POFUT1: variants seen among roughly 807,000 people sequenced by gnomAD.
POFUT1 encodes the protein protein O-fucosyltransferase 1, also known as GDP-fucose protein O-fucosyltransferase 1.
POFUT1 carries 16 observed loss-of-function variants against 42.4 expected under a neutral mutation model. The ratio of observed to expected loss-of-function variants is 0.38; its 90% CI spans 0.26 to 0.57. The LOEUF (loss-of-function observed/expected upper bound fraction) is 0.57. POFUT1 is among the 20% of genes least tolerant of loss of function. The pLI is 0.71. For missense variants in POFUT1, 470 were observed against 504.6 expected, an observed-to-expected ratio of 0.93 and a Z score of 0.66; for synonymous variants, 206 against 205.4, an observed-to-expected ratio of 1.00 and a Z score of -0.03.
chr20:32,234,227 G>A (rs1190037325), intron 6 of POFUT1, among the ~76,000 whole-genome samples: 2 of 152,244 alleles, frequency 1.3e-5, no homozygotes, highest in Non-Finnish European at 2.9e-5. Context: ...AGAGGGAACA[G>A]CACAAGTGAA....
At chr20:32,228,140 G>A (rs1000280910) in intron 4 of POFUT1, 123 bp from the exon 5 acceptor site, 30 of 647,596 alleles carry the variant, frequency 4.6e-5, no homozygotes, top group Middle Eastern at 3.1e-4. Flanking sequence ...TGTTTCTTGC[G>A]TGTTGCAGGG....
intron 4 of POFUT1, among the ~76,000 whole-genome samples, chr20:32,220,231 T>G (rs1404962685): frequency 6.6e-6 from 1 of 152,254 alleles, no homozygotes; most frequent in Non-Finnish European, 1.5e-5. Context: ...ACACTTGAGT[T>G]AGCTGGGCAG....
intron 5 of POFUT1, among the ~76,000 whole-genome samples, chr20:32,228,712 C>G (rs2047427561): frequency 2.6e-5 from 4 of 152,186 alleles, no homozygotes; most frequent in Admixed American, 2.6e-4. Context: ...TCAAGCCAGA[C>G]CCCAGGTCAG....
chr20:32,213,966 A>G (rs2047344852), intron 2 of POFUT1, among the ~76,000 whole-genome samples: 1 of 152,084 alleles, frequency 6.6e-6, no homozygotes, highest in Admixed American at 6.6e-5. Flanking sequence ...TCCCTTAACA[A>G]CTGTTGTGGA....
Position 32,208,064 on chromosome 20 carries a change from G to C in POFUT1, c.123G>C (p.Met41Ile). ...PAGYLLYCPC[M>I]GRFGNQADHF... The stretch of plus-strand genomic sequence containing the variant: ...GTTACCTGCTCTACTGCCCCTGCAT[G>C]GGTAAGGCCTCCCAAGCCCTCTGCT... Residue 41 changes from methionine to isoleucine, a missense_variant and splice_region_variant, in exon 1 of 7, where the codon ATG (methionine) becomes ATC (isoleucine). Coordinates refer to ENST00000375749, the MANE Select transcript of POFUT1 (RefSeq NM_015352.2). 1 of 1,552,882 alleles carries C rather than the reference G, an allele frequency of 6.4e-7. No individual in the cohort carries two copies. Among genetic ancestry groups the C allele is most frequent in the Non-Finnish European group, 8.7e-7 (1 of 1,153,258 alleles).
chr20:32,220,245 T>G (rs767372026), intron 4 of POFUT1, among the ~76,000 whole-genome samples: 5 of 152,242 alleles, frequency 3.3e-5, no homozygotes, highest in Non-Finnish European at 7.3e-5. Flanking sequence ...TGGGCAGTTA[T>G]TGCTTGTGGT....
chr20:32,217,100 AC>A, intron 4 of POFUT1: 1 of 1,605,482 alleles, frequency 6.2e-7, no homozygotes, highest in Non-Finnish European at 8.5e-7. Context: ...CCGAGAAATG[AC>A]GTCATCCTGA....
chr20:32,210,290 C>G, intron 2 of POFUT1, 98 bp downstream of exon 2: 6 of 1,248,874 alleles, frequency 4.8e-6, no homozygotes, highest in Non-Finnish European at 7.0e-6. Flanking sequence ...CCTCCCACTC[C>G]TCTGAGATTT....
intron 1 of POFUT1, among the ~76,000 whole-genome samples, chr20:32,208,444 G>C (rs1229446171): frequency 1.3e-5 from 2 of 152,108 alleles, no homozygotes; most frequent in African/African-American, 2.4e-5. Flanking sequence ...CCTGTTCTCT[G>C]TACTGGGAAT....
intron 1 of POFUT1, among the ~76,000 whole-genome samples, chr20:32,208,648 C>CAAAA (rs67714814): frequency 8.5e-5 from 8 of 93,610 alleles, no homozygotes; most frequent in African/African-American, 2.2e-4. Context: ...AATCCAATCT[C>CAAAA]AAAAAAAAAA....
At chr20:32,211,428 C>T (rs954333968) in intron 2 of POFUT1, among the ~76,000 whole-genome samples, 6 of 152,142 alleles carry the variant, frequency 3.9e-5, no homozygotes, top group African/African-American at 9.7e-5. Context: ...CGCACCACCA[C>T]GCCCAGCTAA....
chr20:32,222,944 G>C (rs1422181028), intron 4 of POFUT1: 36 of 983,488 alleles, frequency 3.7e-5, no homozygotes, highest in Non-Finnish European at 4.0e-5. Flanking sequence ...GCCATGCAGA[G>C]AGCTGGAGGG....
intron 4 of POFUT1, among the ~76,000 whole-genome samples, chr20:32,221,705 G>A (rs1383561756): frequency 1.4e-5 from 2 of 148,124 alleles, no homozygotes; most frequent in Non-Finnish European, 2.9e-5. Flanking sequence ...AACAGATTGA[G>A]ACCATCTTAA....
chr20:32,222,807 T>C (rs1600390417), intron 4 of POFUT1: 1 of 985,322 alleles, frequency 1.0e-6, no homozygotes, highest in Admixed American at 6.2e-5. Context: ...TGGAAGGCAA[T>C]GCACCATCGT....
intron 1 of POFUT1, among the ~76,000 whole-genome samples, chr20:32,208,888 C>T (rs778041386): frequency 2.6e-5 from 4 of 152,112 alleles, no homozygotes; most frequent in Non-Finnish European, 4.4e-5. Flanking sequence ...TACATAGTTT[C>T]ATAGAGGATG....
At chr20:32,218,842 GGGGAGT>G (rs1462634017) in intron 4 of POFUT1, among the ~76,000 whole-genome samples, 1 of 152,236 alleles carries the variant, frequency 6.6e-6, no homozygotes, top group Non-Finnish European at 1.5e-5. Context: ...AATGGTGCAT[GGGGAGT>G]GTTGTTGAAA....
rs2047472505 is a variant in POFUT1 at position 32,236,663 on chromosome 20, T to C, written c.*2002T>C. The C allele has an allele frequency of 6.6e-6, 1 of 152,220 alleles. No homozygotes were observed. The highest frequency in any genetic ancestry group is 2.4e-5 in the African/African-American group (1 of 41,454). The allele number at this position is 152,220 out of a possible 1,614,324, so 9.4% of individuals were successfully genotyped here. A position where few individuals can be genotyped will look rare whatever the true frequency, so the allele number is the denominator to read the frequency against. On this transcript the variant is annotated 3_prime_UTR_variant, in exon 7 of 7. Transcript: ENST00000375749. ...CCGACAGGTTGTTCAAAGGCCCAGA[T>C]CAGCTAAAGCATGTATATAAGAGCA...
intron 4 of POFUT1, among the ~76,000 whole-genome samples, chr20:32,221,612 GCTGAGGTGGGAGGATCAGGTGAGC>G (rs1175317962): frequency 6.6e-6 from 1 of 151,996 alleles, no homozygotes. Context: ...TACTTGGGAG[GCTGAGGTGGGAGGATCAGGTGAGC>G]CTGAGGAAGT....
At chr20:32,211,950 G>A (rs2122564769) in intron 2 of POFUT1, among the ~76,000 whole-genome samples, 1 of 152,238 alleles carries the variant, frequency 6.6e-6, no homozygotes, top group Non-Finnish European at 1.5e-5. Flanking sequence ...CTGTTTAGAT[G>A]TTAGTGTTTC....
Sources: allele counts gnomAD v4.1 joint callset (sites outside exome capture counted in the v4.1 genomes callset), GRCh38; gene constraint gnomAD v4.1.1; transcripts MANE v1.5; gene names NCBI Gene and HGNC (gene_info 2026-07-23, HGNC 2026-07-21).